Variants in ARHGEF7 observed in about 807,000 individuals in gnomAD.
ARHGEF7 encodes the protein Rho guanine nucleotide exchange factor 7, also known as PAK-interacting exchange factor beta.
In ARHGEF7, 33 loss-of-function variants were observed where a neutral mutation model predicts 109.8. The observed-to-expected ratio is 0.30, with a 90% confidence interval of 0.23 to 0.40. ARHGEF7 has a LOEUF of 0.40. ARHGEF7 is among the 10% of genes least tolerant of loss of function. The pLI is 1.00. For missense variants in ARHGEF7, 938 were observed against 1,098.5 expected (o/e 0.85, Z 2.07); for synonymous variants, 458 against 424.6 (o/e 1.08, Z -0.97).
Position 111,292,263 on chromosome 13 carries a change from A to T in ARHGEF7, c.2280A>T (p.Thr760=), listed in dbSNP as rs1246883686. 1.9e-6 allele frequency: 3 copies of T among 1,614,114 alleles called. No individual in the cohort carries two copies. The highest frequency in any genetic ancestry group is 8.5e-7 in the Non-Finnish European group (1 of 1,180,046). Residue 760 remains threonine (T), a synonymous_variant, in exon 19 of 22, where the codon ACA becomes ACT. Transcript: ENST00000646102. ...SEDSDYDSIW[T]AHSYRMGSTS... is the part of the protein sequence containing the mutation. Reference sequence around the variant, plus strand: ...ACTCTGACTATGACAGTATATGGACAGCCCATAGTTACAGAATGGGTTCTA... The same window carrying T: ...ACTCTGACTATGACAGTATATGGACTGCCCATAGTTACAGAATGGGTTCTA...
chr13:111,175,948 G>A (rs983820267), intron 2 of ARHGEF7, among the ~76,000 whole-genome samples: 5 of 152,188 alleles, frequency 3.3e-5, no homozygotes, highest in African/African-American at 9.7e-5. Context: ...GAAGGGCAGG[G>A]AAAAGCCCCT....
chr13:111,301,634 T>A, intron 21 of ARHGEF7, 102 bp downstream of exon 21: 1 of 950,306 alleles, frequency 1.1e-6, no homozygotes, highest in Non-Finnish European at 1.6e-6. Context: ...GGCTCACACC[T>A]ATAATCCCAG....
intron 2 of ARHGEF7, among the ~76,000 whole-genome samples, chr13:111,174,217 G>C (rs994982497): frequency 6.6e-6 from 1 of 152,128 alleles, no homozygotes; most frequent in East Asian, 1.9e-4. Flanking sequence ...TTGGGATTGA[G>C]GATAATTAAA....
At chr13:111,199,929 G>A (rs1275941465) in intron 2 of ARHGEF7, among the ~76,000 whole-genome samples, 2 of 152,154 alleles carry the variant, frequency 1.3e-5, no homozygotes, top group African/African-American at 4.8e-5. Context: ...ATTTGCATGG[G>A]CTCACCCCTC....
intron 5 of ARHGEF7, among the ~76,000 whole-genome samples, chr13:111,221,178 G>T (rs1235801992): frequency 2.1e-5 from 2 of 95,820 alleles, no homozygotes; most frequent in South Asian, 3.2e-4. Flanking sequence ...TATCTATATA[G>T]ATATATATGT....
intron 8 of ARHGEF7, among the ~76,000 whole-genome samples, chr13:111,262,522 C>T (rs1404679207): frequency 6.6e-6 from 1 of 152,146 alleles, no homozygotes; most frequent in Non-Finnish European, 1.5e-5. Flanking sequence ...GGGTTCCTTG[C>T]GGCTGGAGAT....
intron 2 of ARHGEF7, among the ~76,000 whole-genome samples, chr13:111,180,305 C>G (rs2078612890): frequency 6.6e-6 from 1 of 152,100 alleles, no homozygotes; most frequent in Non-Finnish European, 1.5e-5. Flanking sequence ...CATTACCAAG[C>G]AAAAAATCAG....
At chr13:111,150,599 T>C (rs1174675480) in intron 1 of ARHGEF7, among the ~76,000 whole-genome samples, 1 of 152,252 alleles carries the variant, frequency 6.6e-6, no homozygotes, top group African/African-American at 2.4e-5. Flanking sequence ...CAGTTATTGA[T>C]AGTAGCCTGC....
At chr13:111,224,736 G>A (rs1422443711) in intron 5 of ARHGEF7, among the ~76,000 whole-genome samples, 1 of 152,226 alleles carries the variant, frequency 6.6e-6, no homozygotes, top group African/African-American at 2.4e-5. Flanking sequence ...TAATTTAGCT[G>A]TGGAGGAACA....
intron 1 of ARHGEF7, among the ~76,000 whole-genome samples, chr13:111,152,000 G>C (rs1381499383): frequency 6.6e-6 from 1 of 152,078 alleles, no homozygotes; most frequent in African/African-American, 2.4e-5. Flanking sequence ...TTCAAGTATT[G>C]ATTTTTGGGT....
In ARHGEF7 at chr13:111,280,571, A is replaced by G. The variant is rs1356764462; in HGVS notation, c.1619A>G (p.Asn540Ser). 1.9e-6 allele frequency: 3 copies of G among 1,611,788 alleles called. No individual in the cohort carries two copies. The highest frequency in any genetic ancestry group is 2.5e-6 in the Non-Finnish European group (3 of 1,179,162). Residue 540 changes from asparagine to serine, a missense_variant, in exon 15 of 22, where the codon AAC (asparagine) becomes AGC (serine). Transcript: ENST00000646102. ...ATTGAGCGGATATTAGTGTCGTGCAACAACCAGCAGGATCTGCAGGAATGG... is the reference window on the plus strand; with the variant it reads ...ATTGAGCGGATATTAGTGTCGTGCAGCAACCAGCAGGATCTGCAGGAATGG... ...SMIERILVSC[N>S]NQQDLQEWVE...
chr13:111,115,894 G>A (rs1275381536), intron 1 of ARHGEF7, among the ~76,000 whole-genome samples: 23 of 150,622 alleles, frequency 1.5e-4, no homozygotes, highest in African/African-American at 5.1e-4. Flanking sequence ...AGGGGGCCGG[G>A]GAGCGGGGTC....
intron 4 of ARHGEF7, 35 bp from the exon 5 acceptor site, chr13:111,217,644 G>A: frequency 6.4e-7 from 1 of 1,558,868 alleles, no homozygotes; most frequent in South Asian, 1.1e-5. Flanking sequence ...ACTGTTCTTG[G>A]TATAATTTTT....
At chr13:111,286,065 A>G (rs2093005589) in intron 16 of ARHGEF7, 82 bp from the exon 17 acceptor site, 1 of 1,117,472 alleles carries the variant, frequency 8.9e-7, no homozygotes, top group Non-Finnish European at 1.3e-6. Flanking sequence ...GGGGTTTTAT[A>G]CCTTTACAGC....
intron 1 of ARHGEF7, among the ~76,000 whole-genome samples, chr13:111,129,837 A>G (rs1290182741): frequency 6.6e-6 from 1 of 152,256 alleles, no homozygotes; most frequent in African/African-American, 2.4e-5. Flanking sequence ...AGGAGTAAAC[A>G]TACATCTACC....
At chr13:111,157,215 T>A (rs761443026) in intron 2 of ARHGEF7, among the ~76,000 whole-genome samples, 1 of 152,146 alleles carries the variant, frequency 6.6e-6, no homozygotes, top group South Asian at 2.1e-4. Flanking sequence ...ATTAAAAAAA[T>A]TTAATTACTG....
intron 12 of ARHGEF7, among the ~76,000 whole-genome samples, 195 bp from the exon 13 acceptor site, chr13:111,277,392 A>T (rs1468928379): frequency 6.6e-6 from 1 of 152,238 alleles, no homozygotes; most frequent in Non-Finnish European, 1.5e-5. Flanking sequence ...TCATAATCAT[A>T]TGTTAAGACT....
intron 2 of ARHGEF7, among the ~76,000 whole-genome samples, chr13:111,161,593 G>A (rs377496811): frequency 3.3e-4 from 50 of 152,282 alleles, no homozygotes; most frequent in African/African-American, 1.2e-3. Context: ...TGTAGTTGGA[G>A]CCATATGGTA....
chr13:111,117,576 T>C (rs1033166314), intron 1 of ARHGEF7, among the ~76,000 whole-genome samples: 3 of 152,218 alleles, frequency 2.0e-5, no homozygotes, highest in Non-Finnish European at 1.5e-5. Flanking sequence ...GAGTAAAATA[T>C]TAGCCGTTTT....
Sources: gnomAD v4.1 joint callset for allele counts (sites outside exome capture counted in the v4.1 genomes callset) on GRCh38, gnomAD v4.1.1 for gene constraint, MANE v1.5 for transcripts, NCBI Gene and HGNC (gene_info 2026-07-23, HGNC 2026-07-21) for gene names.